The following FTCDNL1 variants were observed in gnomAD, a reference collection of about 807,000 sequenced individuals.
FTCDNL1 encodes formiminotransferase cyclodeaminase N-terminal like, also known as formiminotransferase N-terminal subdomain-containing protein.
A neutral mutation model predicts 5.9 loss-of-function variants in FTCDNL1; 11 were observed. That is an observed-to-expected ratio of 1.87 (90% CI 1.18 to 3.10). The LOEUF (loss-of-function observed/expected upper bound fraction) is 3.10. Ranked by LOEUF, FTCDNL1 falls within the 30% of genes most tolerant of loss-of-function variation. The pLI is 0.00. For missense variants in FTCDNL1, 115 were observed against 65.5 expected (o/e 1.76, Z -2.61); for synonymous variants, 58 against 24.8 (o/e 2.34, Z -3.99).
At chr2:199,796,449 A>G (rs1456870360) in intron 3 of FTCDNL1, among the ~76,000 whole-genome samples, 3 of 152,224 alleles carry the variant, frequency 2.0e-5, no homozygotes, top group African/African-American at 2.4e-5. Context: ...AGTCAAAAAT[A>G]TGTGAACTGT....
chr2:199,666,244 A>G, the FTCDNL1 span, among the ~76,000 whole-genome samples: 4 of 152,368 alleles, frequency 2.6e-5, no homozygotes, highest in Admixed American at 2.6e-4. Context: ...AAATAGGAAA[A>G]CAAGCTGAAT....
chr2:199,769,405 T>C (rs1326256149), intron 3 of FTCDNL1, among the ~76,000 whole-genome samples: 1 of 152,206 alleles, frequency 6.6e-6, no homozygotes, highest in Non-Finnish European at 1.5e-5. Flanking sequence ...GGAGTTCCCC[T>C]GCACAAGTCC....
At chr2:199,724,110 T>C in the FTCDNL1 span, among the ~76,000 whole-genome samples, 1 of 152,316 alleles carries the variant, frequency 6.6e-6, no homozygotes, top group Middle Eastern at 3.4e-3. Flanking sequence ...GGTTCAGTCT[T>C]GGGAGGGCGT....
chr2:199,812,476 A>C lies in FTCDNL1; in HGVS notation c.*229T>G. 1 of 441,304 alleles carries C rather than the reference A, an allele frequency of 2.3e-6. No homozygotes were observed. Among genetic ancestry groups the C allele is most frequent in the Non-Finnish European group, 4.0e-6 (1 of 251,280 alleles). 27.3% of individuals were successfully genotyped at this position (441,304 alleles called of 1,614,324 possible). On this transcript the variant is annotated 3_prime_UTR_variant, in exon 5 of 5. Coordinates refer to ENST00000420128, the MANE Select transcript of FTCDNL1 (RefSeq NM_001363886.2). ...TTAAACCTACTAAGAAGGTATTTTA[A>C]ATGAGAGAGATAATTAATCCCAGCA... is the stretch of plus-strand genomic sequence containing the variant.
chr2:199,738,374 A>G, the FTCDNL1 span, among the ~76,000 whole-genome samples: 1 of 152,244 alleles, frequency 6.6e-6, no homozygotes, highest in Admixed American at 6.5e-5. Flanking sequence ...TTTGAAAGCC[A>G]GAAGCACATC....
intron 2 of FTCDNL1, among the ~76,000 whole-genome samples, chr2:199,847,350 G>C (rs527902867): frequency 6.6e-6 from 1 of 151,958 alleles, no homozygotes; most frequent in African/African-American, 2.4e-5. Flanking sequence ...AAAAGATGAA[G>C]TAAGAAGAAG....
intron 3 of FTCDNL1, among the ~76,000 whole-genome samples, chr2:199,780,744 G>A (rs947554623): frequency 6.6e-6 from 1 of 152,156 alleles, no homozygotes; most frequent in African/African-American, 2.4e-5. Context: ...CAAGTGGGCA[G>A]GGGAATACCA....
chr2:199,705,590 T>G, the FTCDNL1 span, among the ~76,000 whole-genome samples: 2 of 152,322 alleles, frequency 1.3e-5, no homozygotes, highest in Non-Finnish European at 2.9e-5. Flanking sequence ...TTTTATTTCT[T>G]TTTCTTGCCT....
chr2:199,729,071 G>A, the FTCDNL1 span, among the ~76,000 whole-genome samples: 7 of 152,206 alleles, frequency 4.6e-5, no homozygotes, highest in African/African-American at 1.4e-4. Flanking sequence ...GAGGGAATGA[G>A]CTTCACTTCC....
At chr2:199,668,762 G>C in the FTCDNL1 span, among the ~76,000 whole-genome samples, 11 of 152,126 alleles carry the variant, frequency 7.2e-5, no homozygotes, top group Non-Finnish European at 1.6e-4. Flanking sequence ...ACTGCAGCCA[G>C]ACTCAGATTT....
the FTCDNL1 span, among the ~76,000 whole-genome samples, chr2:199,717,229 C>A: frequency 2.6e-5 from 4 of 152,160 alleles, no homozygotes; most frequent in Non-Finnish European, 5.9e-5. Flanking sequence ...GAAGATATTG[C>A]CATGTCGGGC....
chr2:199,830,583 G>A (rs1443003247), intron 3 of FTCDNL1, among the ~76,000 whole-genome samples: 1 of 152,150 alleles, frequency 6.6e-6, no homozygotes, highest in African/African-American at 2.4e-5. Context: ...TTTGAAGTGT[G>A]AAGCTGTGAC....
intron 3 of FTCDNL1, among the ~76,000 whole-genome samples, chr2:199,782,222 T>C (rs1417690813): frequency 1.3e-5 from 2 of 152,224 alleles, no homozygotes; most frequent in South Asian, 4.1e-4. Flanking sequence ...AGGCTGACTA[T>C]TGAATTAGAG....
chr2:199,848,070 C>T (rs1456828882), intron 2 of FTCDNL1, among the ~76,000 whole-genome samples: 6 of 152,092 alleles, frequency 3.9e-5, no homozygotes, highest in Non-Finnish European at 7.4e-5. Context: ...TCACCTGTTG[C>T]CAAAAAGTTA....
chr2:199,692,535 C>T, the FTCDNL1 span, among the ~76,000 whole-genome samples: 2 of 152,164 alleles, frequency 1.3e-5, no homozygotes, highest in South Asian at 2.1e-4. Flanking sequence ...TTTAGTAATG[C>T]GTTGCTGTTC....
chr2:199,834,837 A>G (rs910182593), intron 3 of FTCDNL1, among the ~76,000 whole-genome samples: 3 of 152,128 alleles, frequency 2.0e-5, no homozygotes, highest in African/African-American at 7.2e-5. Context: ...TTGCTACGTT[A>G]TATAAACTTT....
At chr2:199,848,404 G>C (rs2076786185) in intron 2 of FTCDNL1, among the ~76,000 whole-genome samples, 1 of 152,222 alleles carries the variant, frequency 6.6e-6, no homozygotes, top group Admixed American at 6.5e-5. Context: ...GCTGGCAGGA[G>C]TGCTGGGAAA....
At chr2:199,725,353 T>C in the FTCDNL1 span, among the ~76,000 whole-genome samples, 1 of 152,242 alleles carries the variant, frequency 6.6e-6, no homozygotes, top group African/African-American at 2.4e-5. Context: ...TGCCATTCTG[T>C]GTCTTTTAAT....
chr2:199,776,183 G>A (rs1699061443), intron 3 of FTCDNL1, among the ~76,000 whole-genome samples: 1 of 152,136 alleles, frequency 6.6e-6, no homozygotes, highest in Non-Finnish European at 1.5e-5. Flanking sequence ...CTCCTTTTAA[G>A]TGGCCATGGC....
Sources: allele counts gnomAD v4.1 joint callset (sites outside exome capture counted in the v4.1 genomes callset), GRCh38; gene constraint gnomAD v4.1.1; transcripts MANE v1.5; gene names NCBI Gene and HGNC (gene_info 2026-07-23, HGNC 2026-07-21).